Variants in TANC1 observed in about 807,000 individuals in gnomAD.
The protein encoded by TANC1 is tetratricopeptide repeat, ankyrin repeat and coiled-coil containing 1.
TANC1 carries 77 observed loss-of-function variants against 149.7 expected under a neutral mutation model. That is an observed-to-expected ratio of 0.51 (90% confidence interval 0.43 to 0.62). TANC1 has a LOEUF of 0.62. TANC1 is among the 20% of genes least tolerant of loss of function. The pLI is 0.00. For missense variants in TANC1, 1,985 were observed against 2,321.8 expected (o/e 0.85, Z 2.98); for synonymous variants, 854 against 925.0 (o/e 0.92, Z 1.39).
chr2:159,099,514 CA>C (rs746862384), intron 4 of TANC1, among the ~76,000 whole-genome samples: 2 of 151,420 alleles, frequency 1.3e-5, no homozygotes, highest in Non-Finnish European at 2.9e-5. Flanking sequence ...AAAAACAAAA[CA>C]AAACAAAACA....
intron 4 of TANC1, among the ~76,000 whole-genome samples, chr2:159,127,542 T>C (rs540931027): frequency 1.4e-3 from 207 of 152,350 alleles, no homozygotes; most frequent in African/African-American, 4.9e-3. Context: ...ATAGTAAAGA[T>C]GTGGAATCAA....
chr2:159,227,746 T>C (rs1172563072), intron 24 of TANC1, 73 bp from the exon 25 acceptor site: 3 of 1,534,630 alleles, frequency 2.0e-6, no homozygotes, highest in Non-Finnish European at 2.7e-6. Context: ...CTCCCCACGG[T>C]GTTCCAGGTG....
chr2:158,982,985 G>C (rs1559098024), intron 1 of TANC1, among the ~76,000 whole-genome samples: 1 of 152,108 alleles, frequency 6.6e-6, no homozygotes, highest in Non-Finnish European at 1.5e-5. Flanking sequence ...ATTGTTCTGA[G>C]TGTTTTAAAA....
intron 14 of TANC1, among the ~76,000 whole-genome samples, chr2:159,179,942 G>A (rs564384864): frequency 6.6e-6 from 1 of 152,332 alleles, no homozygotes; most frequent in East Asian, 1.9e-4. Context: ...TGTCTCGAGT[G>A]GCTTCGGCTA....
chr2:159,231,741 T>C lies in TANC1; in HGVS notation c.*729T>C, dbSNP rs1230287206. On this transcript the variant is annotated 3_prime_UTR_variant, in exon 27 of 27. Transcript: ENST00000263635. ...TTTGGAGTCATGATTGGTGGTCAAG[T>C]GGATTCAAGCTAAAATACTAAGACC... 1 of 152,194 alleles carries C rather than the reference T, an allele frequency of 6.6e-6. No individual in the cohort carries two copies. The highest frequency in any genetic ancestry group is 1.5e-5 in the Non-Finnish European group (1 of 68,026). 9.4% of individuals were successfully genotyped at this position (152,194 alleles called of 1,614,324 possible). A position where few individuals can be genotyped will look rare whatever the true frequency, so the allele number is the denominator to read the frequency against.
chr2:159,110,171 A>G (rs2047583551), intron 4 of TANC1, among the ~76,000 whole-genome samples: 1 of 152,212 alleles, frequency 6.6e-6, no homozygotes, highest in Non-Finnish European at 1.5e-5. Flanking sequence ...TTGCCAAGAG[A>G]AAGCGTTGAG....
intron 2 of TANC1, among the ~76,000 whole-genome samples, chr2:159,005,875 T>C (rs1184910514): frequency 6.6e-6 from 1 of 152,192 alleles, no homozygotes; most frequent in Non-Finnish European, 1.5e-5. Context: ...TACTTGGTTT[T>C]AATTTTTAAG....
chr2:159,105,036 C>T (rs2047036730), intron 4 of TANC1, among the ~76,000 whole-genome samples: 1 of 93,004 alleles, frequency 1.1e-5, no homozygotes, highest in Non-Finnish European at 2.0e-5. Context: ...GCTCTATTGC[C>T]CAGGCTGGAG....
intron 2 of TANC1, among the ~76,000 whole-genome samples, chr2:159,010,481 T>A (rs1430054286): frequency 6.6e-6 from 1 of 152,184 alleles, no homozygotes; most frequent in Admixed American, 6.5e-5. Flanking sequence ...ATTAGGAGAA[T>A]GCAAACTTGC....
intron 16 of TANC1, among the ~76,000 whole-genome samples, chr2:159,191,017 G>C (rs541203424): frequency 3.9e-4 from 59 of 152,344 alleles, no homozygotes; most frequent in Middle Eastern, 3.4e-3. Flanking sequence ...AGCAGTGTTA[G>C]GACTGGACAC....
intron 5 of TANC1, among the ~76,000 whole-genome samples, chr2:159,144,983 G>A (rs1443392409): frequency 6.6e-6 from 1 of 152,204 alleles, no homozygotes; most frequent in Non-Finnish European, 1.5e-5. Context: ...ACTGACGAAT[G>A]TCGTCAGCAA....
chr2:159,068,415 A>G (rs1403243492), intron 3 of TANC1, among the ~76,000 whole-genome samples: 1 of 152,204 alleles, frequency 6.6e-6, no homozygotes, highest in Non-Finnish European at 1.5e-5. Flanking sequence ...ACTCATAATC[A>G]TAGAAATTTA....
chr2:158,981,542 T>TATATATATATATAA (rs1559096565), intron 1 of TANC1, among the ~76,000 whole-genome samples: 1 of 88,382 alleles, frequency 1.1e-5, no homozygotes. Context: ...TATATATATA[T>TATATATATATATAA]AAAGAAGTAA....
At chr2:159,183,147 A>G (rs553996963) in intron 14 of TANC1, among the ~76,000 whole-genome samples, 1 of 152,338 alleles carries the variant, frequency 6.6e-6, no homozygotes, top group South Asian at 2.1e-4. Flanking sequence ...CCTTGCTGAC[A>G]TGAGGTAGCT....
intron 2 of TANC1, among the ~76,000 whole-genome samples, chr2:159,003,240 A>G (rs1000856837): frequency 6.6e-6 from 1 of 152,214 alleles, no homozygotes; most frequent in Non-Finnish European, 1.5e-5. Flanking sequence ...CCTTTTCACC[A>G]GCTAAGAAAC....
At chr2:159,073,705 C>T (rs552919276) in intron 3 of TANC1, among the ~76,000 whole-genome samples, 1 of 152,244 alleles carries the variant, frequency 6.6e-6, no homozygotes, top group Admixed American at 6.5e-5. Flanking sequence ...CAGAAAGTTC[C>T]ATGTATATGT....
At chr2:159,084,106 C>CG (rs1444986018) in intron 3 of TANC1, among the ~76,000 whole-genome samples, 1 of 152,002 alleles carries the variant, frequency 6.6e-6, no homozygotes, top group East Asian at 1.9e-4. Flanking sequence ...AAAAATTAGC[C>CG]GGGGGTGGTG....
At chr2:159,140,270 C>T (rs1447869391) in intron 5 of TANC1, among the ~76,000 whole-genome samples, 2 of 151,956 alleles carry the variant, frequency 1.3e-5, no homozygotes, top group Non-Finnish European at 2.9e-5. Context: ...AATGCATAGT[C>T]ATGTTTTATT....
At chr2:159,015,684 A>G (rs571674704) in intron 2 of TANC1, among the ~76,000 whole-genome samples, 1 of 152,300 alleles carries the variant, frequency 6.6e-6, no homozygotes, top group East Asian at 1.9e-4. Flanking sequence ...TGCTGCTTAG[A>G]AATTTTTTCT....
Sources: gnomAD v4.1 joint callset for allele counts (sites outside exome capture counted in the v4.1 genomes callset) on GRCh38, gnomAD v4.1.1 for gene constraint, MANE v1.5 for transcripts, NCBI Gene and HGNC (gene_info 2026-07-23, HGNC 2026-07-21) for gene names.